Variants in CGB1 observed in about 807,000 individuals in gnomAD.
The protein encoded by CGB1 is choriogonadotropin subunit beta variant 1.
CGB1 carries 4 observed loss-of-function variants against 7.0 expected under a neutral mutation model. The observed-to-expected ratio is 0.57, with a 90% confidence interval of 0.28 to 1.31. The LOEUF (loss-of-function observed/expected upper bound fraction) is 1.31. Ranked by LOEUF, CGB1 falls within the 50% of genes most tolerant of loss-of-function variation. The pLI, the probability that CGB1 is intolerant of heterozygous loss-of-function variation, is 0.10. For synonymous variants in CGB1, 72 were observed against 96.4 expected (o/e 0.75, Z 1.48); for missense variants, 139 against 219.1 (o/e 0.63, Z 2.31).
rs781171716 is a variant in CGB1, at chr19:49,035,617, C to T, written c.461G>A (p.Gly154Glu). 1.1e-5 allele frequency: 17 copies of T among 1,611,406 alleles called. No homozygotes were observed. Among genetic ancestry groups the T allele is most frequent in the Admixed American group, 3.3e-5 (2 of 59,976 alleles). Residue 154 changes from glycine to glutamate, a missense_variant, in exon 3 of 3, where the codon GGG becomes GAG. By Grantham distance (98) the Gly-to-Glu change is moderately conservative (BLOSUM62 -2). This residue lies in a region of CGB1 where 44 missense variants were observed against 35.0 expected (regional missense o/e 1.26). Transcript: ENST00000301407. ...TGGGAGGATCGGGGTGTCCTAGGGC[C>T]CCGGGAGACGGGATGGACTTGGAAG... ...PSLPSPSRLP[G>E]P
At chr19:49,035,943 C>G in intron 2 of CGB1, 43 bp from the exon 3 acceptor site, 2 of 1,176,338 alleles carry the variant, frequency 1.7e-6, no homozygotes, top group Non-Finnish European at 2.3e-6. Flanking sequence ...TGCCTGGGGC[C>G]AGCGCCTCAG....
Position 49,035,653 on chromosome 19 carries a change from G to A in CGB1, c.425C>T (p.Pro142Leu), listed in dbSNP as rs2039804877. ...RFQDSSSSKA[P>L]PPSLPSPSRL... ...GGATGGACTTGGAAGGCTGGGGGGA[G>A]GGGCCTTTGAGGAAGAGGAGTCCTG... The change falls in exon 3 of 3, where the codon CCT becomes CTT. Residue 142 changes from proline to leucine, a missense_variant. Transcript: ENST00000301407. 4.3e-6 allele frequency: 7 copies of A among 1,611,160 alleles called. No individual in the cohort carries two copies. The highest frequency in any genetic ancestry group is 5.9e-6 in the Non-Finnish European group (7 of 1,179,872).
In CGB1 at chr19:49,036,327, C is replaced by A. The variant is rs376025419; in HGVS notation, c.10-24G>T. The A allele has an allele frequency of 9.2e-5, 147 of 1,603,752 alleles. No homozygotes were observed. The African/African-American group carries it at 1.7e-3, about 19-fold the overall frequency. On this transcript the variant is annotated intron_variant, in intron 1 of 2. Transcript: ENST00000301407. The stretch of plus-strand genomic sequence containing the variant: ...CTCTGGGGCAAGGACACTGCTTCAC[C>A]CGGGTCTGAGACTGCAGCCCCCAGT...
rs748079220 is a variant in CGB1, at chr19:49,035,619, C to T, written c.459G>A (p.Pro153=). The change falls in exon 3 of 3, where the codon CCG becomes CCA. Residue 153 remains proline, a synonymous_variant. Transcript: ENST00000301407. ...PPSLPSPSRL[P]GP ...GGAGGATCGGGGTGTCCTAGGGCCCCGGGAGACGGGATGGACTTGGAAGGC... is the reference window on the plus strand; with the variant it reads ...GGAGGATCGGGGTGTCCTAGGGCCCTGGGAGACGGGATGGACTTGGAAGGC... 27 of 1,611,334 alleles carry T rather than the reference C, an allele frequency of 1.7e-5. No homozygotes were observed. The highest frequency in any genetic ancestry group is 4.0e-5 in the African/African-American group (3 of 74,266).
Position 49,036,293 on chromosome 19 carries a change from A to G in CGB1, c.20T>C (p.Leu7Pro). MSKRLL[L>P]LLLLSMGGTW... ...CCCGCCCATGCTCAGCAGCAGCAAC[A>G]GCAGCAGCCTCTGGGGCAAGGACAC... The change falls in exon 2 of 3, where the codon CTG becomes CCG. Residue 7 changes from leucine (L) to proline (P), a missense_variant. Coordinates refer to ENST00000301407, the MANE Select transcript of CGB1 (RefSeq NM_033377.2). 6.2e-7 allele frequency: 1 copy of G among 1,605,968 alleles called. No individual in the cohort carries two copies. The highest frequency in any genetic ancestry group is 2.2e-5 in the East Asian group (1 of 44,856).
rs568205173 is a variant in CGB1 at position 49,035,755 on chromosome 19, C to T, written c.323G>A (p.Cys108Tyr). 1.2e-6 allele frequency: 2 copies of T among 1,607,176 alleles called. No individual in the cohort carries two copies. The highest frequency in any genetic ancestry group is 2.2e-5 in the East Asian group (1 of 44,788). Residue 108 changes from cysteine to tyrosine, a missense_variant, in exon 3 of 3, where the codon TGT (cysteine) becomes TAT (tyrosine). Cys to Tyr is a radical substitution (Grantham distance 194). Transcript: ENST00000301407. Reference sequence around the variant, plus strand: ...AGTGGTGCTGCGGCGGCAGAGTGCACATTGACAGCTGAGAGCCACGGCGTA... The same window carrying T: ...AGTGGTGCTGCGGCGGCAGAGTGCATATTGACAGCTGAGAGCCACGGCGTA... ...VSYAVALSCQ[C>Y]ALCRRSTTDC...
intron 1 of CGB1, 39 bp from the exon 2 acceptor site, chr19:49,036,342 C>G (rs999999758): frequency 6.2e-7 from 1 of 1,602,800 alleles, no homozygotes; most frequent in African/African-American, 1.3e-5. Flanking sequence ...TCTGAGACTG[C>G]AGCCCCCAGT....
chr19:49,035,712 C>T lies in CGB1; in HGVS notation c.366G>A (p.Lys122=), dbSNP rs376922188. 2.0e-4 allele frequency: 329 copies of T among 1,608,886 alleles called. 1 individual carries two copies. The Middle Eastern group carries it at 5.7e-3, about 28-fold the overall frequency. The change falls in exon 3 of 3, where the codon AAG becomes AAA. Residue 122 remains lysine (K), a synonymous_variant. Transcript: ENST00000301407. ...RRSTTDCGGP[K]DHPLTCDDPR... ...GGTCATCACAGGTCAAGGGGTGGTC[C>T]TTGGGACCCCCGCAGTCAGTGGTGC...
intron 1 of CGB1, 133 bp from the exon 2 acceptor site, chr19:49,036,436 C>T: frequency 4.5e-6 from 7 of 1,571,530 alleles, no homozygotes; most frequent in Non-Finnish European, 6.0e-6. Flanking sequence ...ACCCACCACC[C>T]GGACACCTGC....
Position 49,036,644 on chromosome 19 carries a change from C to T in CGB1, c.9+59G>A, listed in dbSNP as rs1165556788. 3 of 1,613,868 alleles carry T rather than the reference C, an allele frequency of 1.9e-6. No homozygotes were observed. The African/African-American group carries it at 4.0e-5, about 22-fold the overall frequency. On this transcript the variant is annotated intron_variant, in intron 1 of 2. Transcript: ENST00000301407. ...AGGAGGTGGAAGGTGCCCAGGGGCC[C>T]TGCAGTCTTTCCTGGAACATCTCCA...
chr19:49,036,362 C>G (rs1405189820), intron 1 of CGB1, 59 bp from the exon 2 acceptor site: 1 of 1,602,010 alleles, frequency 6.2e-7, no homozygotes, highest in Non-Finnish European at 8.5e-7. Context: ...TCCTGGCCTT[C>G]CCATCCCGCA....
At chr19:49,036,500 A>C (rs2039820582) in intron 1 of CGB1, 197 bp from the exon 2 acceptor site, 1 of 1,575,632 alleles carries the variant, frequency 6.3e-7, no homozygotes, top group Non-Finnish European at 8.6e-7. Flanking sequence ...AACATTTCAG[A>C]TCCGCACCCT....
At position 49,036,210 on chromosome 19, in the gene CGB1, C is replaced by G. The variant is rs1268216650; in HGVS notation, c.103G>C (p.Ala35Pro). The change falls in exon 2 of 3, where the codon GCT becomes CCT. Residue 35 changes from alanine (A) to proline (P), a missense_variant. Physicochemically the swap from Ala to Pro is conservative, Grantham distance 27. Coordinates refer to ENST00000301407, the MANE Select transcript of CGB1 (RefSeq NM_033377.2). ...PRCRPINATL[A>P]VEKEGCPVCI... is the part of the protein sequence containing the mutation. ...ACGGGGCAGCCCTCCTTCTCCACAG[C>G]CAGGGTGGCATTGATGGGGCGGCAC... The G allele has an allele frequency of 6.2e-7, 1 of 1,610,048 alleles. No individual in the cohort carries two copies. The highest frequency in any genetic ancestry group is 1.7e-5 in the Admixed American group (1 of 59,964).
chr19:49,035,958 G>T (rs2039810570), intron 2 of CGB1, 58 bp from the exon 3 acceptor site: 4 of 1,203,238 alleles, frequency 3.3e-6, no homozygotes, highest in Non-Finnish European at 4.6e-6. Context: ...CCTCAGCTGA[G>T]CTCCCCAGCT....
chr19:49,036,599 C>T (rs769456885), intron 1 of CGB1, 104 bp downstream of exon 1: 4 of 1,613,838 alleles, frequency 2.5e-6, no homozygotes, highest in African/African-American at 2.7e-5. Flanking sequence ...TGCCCCTTCT[C>T]ATGCCAGTGA....
rs561627652 is a variant in CGB1 at position 49,036,538 on chromosome 19, G to A, written c.9+165C>T. 2.5e-5 allele frequency: 40 copies of A among 1,606,342 alleles called. No individual in the cohort carries two copies. In the East Asian group the frequency reaches 3.8e-4, roughly 15 times the overall value. On this transcript the variant is annotated intron_variant, in intron 1 of 2. Coordinates refer to ENST00000301407, the MANE Select transcript of CGB1 (RefSeq NM_033377.2). ...GGAACTGACCCACCTGAAGCTTACT[G>A]GGGGTCACGCTCCTCCAGAAAGAGG...
chr19:49,036,384 C>G (rs1304978240), intron 1 of CGB1, 81 bp from the exon 2 acceptor site: 2 of 1,601,204 alleles, frequency 1.2e-6, no homozygotes, highest in Non-Finnish European at 1.7e-6. Context: ...GGTACACCAC[C>G]CACAAAGACC....
chr19:49,036,585 G>T (rs2039822030), intron 1 of CGB1, 118 bp downstream of exon 1: 2 of 1,613,742 alleles, frequency 1.2e-6, no homozygotes, highest in African/African-American at 1.3e-5. Flanking sequence ...AGCTCACACG[G>T]GTCTGCCCCT....
chr19:49,036,457 C>T (rs1289763281), intron 1 of CGB1, 154 bp from the exon 2 acceptor site: 10 of 1,559,328 alleles, frequency 6.4e-6, no homozygotes, highest in African/African-American at 5.4e-5. Flanking sequence ...CTTTCAGAGC[C>T]CACCCCACAG....
Sources: allele counts gnomAD v4.1 joint callset, GRCh38; gene constraint gnomAD v4.1.1; regional missense constraint gnomAD v4.1.1; transcripts MANE v1.5; gene names NCBI Gene and HGNC (gene_info 2026-07-23, HGNC 2026-07-21).